Variants in TTLL5 observed in about 807,000 individuals in gnomAD.
TTLL5 encodes tubulin polyglutamylase TTLL5.
In TTLL5, 132 loss-of-function variants were observed where a neutral mutation model predicts 168.4. The ratio of observed to expected loss-of-function variants is 0.78; its 90% CI spans 0.68 to 0.91. The LOEUF (loss-of-function observed/expected upper bound fraction) is 0.91, where lower values mean the gene tolerates loss of function less well. Among genes scored for constraint, TTLL5 ranks in the 40% least tolerant of loss-of-function variants. The pLI, the probability that TTLL5 is intolerant of heterozygous loss-of-function variation, is 0.00. For synonymous variants in TTLL5, 546 were observed against 558.6 expected, an observed-to-expected ratio of 0.98 and a Z score of 0.32; for missense variants, 1,545 against 1,581.5, an observed-to-expected ratio of 0.98 and a Z score of 0.39.
chr14:75,677,635 A>G (rs1045128403), intron 3 of TTLL5, among the ~76,000 whole-genome samples: 7 of 150,052 alleles, frequency 4.7e-5, no homozygotes, highest in African/African-American at 1.7e-4. Flanking sequence ...TCTTTTTTTA[A>G]GAGACAGGGT....
At chr14:75,951,670 G>A (rs1177607171) in intron 31 of TTLL5, among the ~76,000 whole-genome samples, 3 of 152,202 alleles carry the variant, frequency 2.0e-5, no homozygotes, top group African/African-American at 7.2e-5. Context: ...GCTGAGGTGG[G>A]AGGATTGCCT....
Position 75,954,539 on chromosome 14 carries a change from T to A in TTLL5, c.*93T>A, listed in dbSNP as rs1360984878. 1.0e-5 allele frequency: 6 copies of A among 597,904 alleles called. No individual in the cohort carries two copies. Among genetic ancestry groups the A allele is most frequent in the South Asian group, 3.9e-5 (1 of 25,354 alleles). 37.0% of individuals were successfully genotyped at this position (597,904 alleles called of 1,614,324 possible). On this transcript the variant is annotated 3_prime_UTR_variant, in exon 32 of 32. Coordinates refer to ENST00000298832, the MANE Select transcript of TTLL5 (RefSeq NM_015072.5). The stretch of plus-strand genomic sequence containing the variant: ...CCAGCACTTCAAGGGGTCCATAGTA[T>A]TTTTTTTTTTGCTGCCTCAAAGTCC...
intron 28 of TTLL5, among the ~76,000 whole-genome samples, chr14:75,828,853 G>A (rs1170689777): frequency 1.3e-5 from 2 of 152,160 alleles, no homozygotes. Context: ...GGGTGAAACT[G>A]GTAGTAAGTA....
At chr14:75,854,783 C>G (rs761189924) in intron 28 of TTLL5, among the ~76,000 whole-genome samples, 10 of 152,144 alleles carry the variant, frequency 6.6e-5, no homozygotes, top group South Asian at 2.1e-4. Context: ...GTTAGCCAGT[C>G]ACATATTTTC....
chr14:75,920,749 T>G (rs185230196), intron 31 of TTLL5, among the ~76,000 whole-genome samples: 21 of 152,252 alleles, frequency 1.4e-4, no homozygotes, highest in African/African-American at 5.1e-4. Context: ...TTTATAATCC[T>G]TTGGGTATAT....
At chr14:75,773,960 AG>A (rs1282001043) in intron 21 of TTLL5, among the ~76,000 whole-genome samples, 6 of 33,992 alleles carry the variant, frequency 1.8e-4, no homozygotes, top group African/African-American at 4.3e-4. Flanking sequence ...AGAGAGAAAG[AG>A]AGAGAGAGAG....
intron 28 of TTLL5, among the ~76,000 whole-genome samples, chr14:75,850,406 C>A (rs1229788991): frequency 7.1e-3 from 647 of 90,996 alleles, no homozygotes; most frequent in Middle Eastern, 0.013. Context: ...AACTCCGTCT[C>A]AAAAAAAAAA....
At position 75,904,297 on chromosome 14, in the gene TTLL5, A is replaced by C. The variant is rs547699988; in HGVS notation, c.3823+2073A>C. On this transcript the variant is annotated intron_variant, in intron 31 of 31. Transcript: ENST00000298832. Reference sequence around the variant, plus strand: ...AAACCTTCACCTGGGATTGTTATGAACTGCGAAGTAATGGCACAAGGGAAT... The same window carrying C: ...AAACCTTCACCTGGGATTGTTATGACCTGCGAAGTAATGGCACAAGGGAAT... 2.9e-6 allele frequency: 3 copies of C among 1,039,566 alleles called. No individual in the cohort carries two copies. In the African/African-American group the frequency reaches 5.2e-5, roughly 18 times the overall value. The allele number at this position is 1,039,566 out of a possible 1,614,324, so 64.4% of individuals were successfully genotyped here.
chr14:75,860,417 G>C (rs1431479061), intron 28 of TTLL5, among the ~76,000 whole-genome samples: 1 of 152,204 alleles, frequency 6.6e-6, no homozygotes, highest in Non-Finnish European at 1.5e-5. Context: ...GATGAATTCT[G>C]ATGTAAGCTT....
intron 18 of TTLL5, among the ~76,000 whole-genome samples, chr14:75,758,755 A>T (rs921502045): frequency 2.0e-5 from 3 of 152,196 alleles, no homozygotes; most frequent in Non-Finnish European, 4.4e-5. Context: ...GAAAATCTTC[A>T]CATATTTGGG....
chr14:75,914,033 A>AAAAAAAAAATATATAT, intron 31 of TTLL5, among the ~76,000 whole-genome samples: 9 of 71,094 alleles, frequency 1.3e-4, no homozygotes, highest in Admixed American at 1.8e-4. Context: ...AAAAAAAAAA[A>AAAAAAAAAATATATAT]ATATATATAT....
chr14:75,818,021 G>T (rs1025738832), intron 27 of TTLL5, among the ~76,000 whole-genome samples: 4 of 151,008 alleles, frequency 2.6e-5, no homozygotes, highest in Non-Finnish European at 5.9e-5. Flanking sequence ...TGTATTTTTA[G>T]TAGAGACGGG....
intron 5 of TTLL5, among the ~76,000 whole-genome samples, chr14:75,688,387 C>T (rs745683711): frequency 1.3e-5 from 2 of 152,160 alleles, no homozygotes; most frequent in African/African-American, 4.8e-5. Flanking sequence ...GCCTGGAGAT[C>T]GCATAGAGGT....
chr14:75,755,237 C>T (rs1046122637), intron 18 of TTLL5, among the ~76,000 whole-genome samples: 3 of 151,310 alleles, frequency 2.0e-5, no homozygotes, highest in African/African-American at 4.9e-5. Flanking sequence ...TGCATTCCAG[C>T]CTGGGCAACC....
chr14:75,911,712 T>A (rs556334961), intron 31 of TTLL5, among the ~76,000 whole-genome samples: 2 of 152,334 alleles, frequency 1.3e-5, no homozygotes, highest in East Asian at 3.9e-4. Context: ...AAGCTTCAAA[T>A]TATATTAGGC....
intron 28 of TTLL5, among the ~76,000 whole-genome samples, chr14:75,848,170 C>T (rs1458236584): frequency 2.0e-5 from 3 of 152,032 alleles, no homozygotes; most frequent in Admixed American, 1.3e-4. Flanking sequence ...GTAGGCCTCA[C>T]TGTTCCAAGT....
chr14:75,710,434 A>G (rs1886992274), intron 9 of TTLL5: 1 of 151,078 alleles, frequency 6.6e-6, no homozygotes, highest in African/African-American at 2.4e-5. Flanking sequence ...ACACACACAC[A>G]CACAATGGAT....
intron 28 of TTLL5, among the ~76,000 whole-genome samples, chr14:75,844,123 C>T (rs968577708): frequency 5.3e-5 from 8 of 151,844 alleles, no homozygotes; most frequent in Admixed American, 1.3e-4. Context: ...CCTCATGATC[C>T]GCCCGCCTCA....
intron 12 of TTLL5, among the ~76,000 whole-genome samples, chr14:75,726,931 C>G (rs972357633): frequency 6.6e-6 from 1 of 152,136 alleles, no homozygotes; most frequent in Admixed American, 6.6e-5. Context: ...AAAGGGAATA[C>G]AGTACAATAT....
Sources: gnomAD v4.1 joint callset for allele counts (sites outside exome capture counted in the v4.1 genomes callset) on GRCh38, gnomAD v4.1.1 for gene constraint, MANE v1.5 for transcripts, NCBI Gene and HGNC (gene_info 2026-07-23, HGNC 2026-07-21) for gene names.